The following UST variants were observed in gnomAD, a reference collection of about 807,000 sequenced individuals.
The protein encoded by UST is uronyl 2-sulfotransferase, also known as chondroitin sulfate 2-O-sulfotransferase.
Under a neutral mutation model 45.6 loss-of-function variants are expected in UST, and 21 were observed. That is an observed-to-expected ratio of 0.46 (90% CI 0.33 to 0.66). UST has a LOEUF of 0.66. UST is among the 30% of genes least tolerant of loss of function. UST has a pLI of 0.02. For missense variants in UST, 463 were observed against 512.4 expected (o/e 0.90, Z 0.93); for synonymous variants, 215 against 200.6 (o/e 1.07, Z -0.61).
At chr6:149,041,387 G>GA (rs1776311906) in intron 7 of UST, among the ~76,000 whole-genome samples, 1 of 152,242 alleles carries the variant, frequency 6.6e-6, no homozygotes, top group Non-Finnish European at 1.5e-5. Flanking sequence ...AAAGGCATGA[G>GA]ATAGGAGCAC....
intron 1 of UST, among the ~76,000 whole-genome samples, chr6:148,884,281 G>A (rs1205882854): frequency 2.0e-5 from 3 of 152,166 alleles, no homozygotes; most frequent in Non-Finnish European, 4.4e-5. Context: ...TGAATACTGA[G>A]TACCTGCTAT....
intron 5 of UST, among the ~76,000 whole-genome samples, chr6:148,967,985 C>G (rs1466085594): frequency 6.6e-6 from 1 of 152,124 alleles, no homozygotes; most frequent in Admixed American, 6.5e-5. Flanking sequence ...GCAGGAACCC[C>G]AAAGAGGATG....
chr6:148,877,576 G>A (rs1252777731), intron 1 of UST, among the ~76,000 whole-genome samples: 2 of 130,364 alleles, frequency 1.5e-5, no homozygotes, highest in Non-Finnish European at 3.2e-5. Context: ...TGCAGGGGTC[G>A]TGTATGAGTG....
intron 2 of UST, among the ~76,000 whole-genome samples, chr6:148,902,987 G>A (rs1157171922): frequency 1.3e-5 from 2 of 151,808 alleles, no homozygotes; most frequent in Non-Finnish European, 2.9e-5. Context: ...GTTATTATAG[G>A]TATTTTTATT....
chr6:149,060,624 G>A, intron 7 of UST, among the ~76,000 whole-genome samples: 1 of 152,212 alleles, frequency 6.6e-6, no homozygotes, highest in African/African-American at 2.4e-5. Context: ...GGTGGCAGGC[G>A]TTTGCCAACC....
chr6:148,828,674 C>G (rs1324768703), intron 1 of UST, among the ~76,000 whole-genome samples: 3 of 152,152 alleles, frequency 2.0e-5, no homozygotes, highest in Non-Finnish European at 4.4e-5. Flanking sequence ...ACATAAAACA[C>G]TTGGAGCAAA....
chr6:148,935,378 T>C (rs867926127), intron 2 of UST, among the ~76,000 whole-genome samples: 3 of 152,202 alleles, frequency 2.0e-5, no homozygotes, highest in Non-Finnish European at 4.4e-5. Flanking sequence ...GAGAGGGTGC[T>C]TGAGGAGTTT....
intron 1 of UST, among the ~76,000 whole-genome samples, chr6:148,867,483 A>G (rs892543888): frequency 1.3e-5 from 2 of 152,026 alleles, no homozygotes; most frequent in African/African-American, 4.8e-5. Flanking sequence ...TCATACTTTG[A>G]TATGGTTTGG....
At chr6:148,916,139 G>A (rs1265050575) in intron 2 of UST, among the ~76,000 whole-genome samples, 1 of 152,158 alleles carries the variant, frequency 6.6e-6, no homozygotes, top group African/African-American at 2.4e-5. Flanking sequence ...AGCTAAAATT[G>A]ATTGAGTACT....
At chr6:148,957,004 G>T (rs1044607352) in intron 4 of UST, among the ~76,000 whole-genome samples, 1 of 152,180 alleles carries the variant, frequency 6.6e-6, no homozygotes, top group Non-Finnish European at 1.5e-5. Context: ...AGTGAAGGGG[G>T]AGAGCATTCC....
intron 1 of UST, among the ~76,000 whole-genome samples, chr6:148,752,654 A>G (rs1294609946): frequency 6.6e-6 from 1 of 152,244 alleles, no homozygotes; most frequent in African/African-American, 2.4e-5. Flanking sequence ...CCCTGTCATC[A>G]ATCCAGGCTT....
At chr6:148,853,555 T>C (rs1261800616) in intron 1 of UST, among the ~76,000 whole-genome samples, 1 of 152,224 alleles carries the variant, frequency 6.6e-6, no homozygotes, top group Non-Finnish European at 1.5e-5. Context: ...CCACAATGGT[T>C]GAACTAATTT....
Position 149,019,225 on chromosome 6 carries a change from T to A in UST, c.768T>A (p.His256Gln), listed in dbSNP as rs1775946750. Residue 256 changes from histidine (H) to glutamine (Q), a missense_variant, in exon 6 of 8, where the codon CAT becomes CAA. By Grantham distance (24) the His-to-Gln change is conservative. This residue lies in a region of UST where 287 missense variants were observed against 374.2 expected (regional missense o/e 0.77). Coordinates refer to ENST00000367463, the MANE Select transcript of UST (RefSeq NM_005715.3). ...FYIIPYFCGQ[H>Q]PRCREPGEWA... ...TCATTCCGTACTTTTGTGGACAGCA[T>A]CCCAGATGCAGGTAAGGGCTAAAGC... 2 of 1,613,756 alleles carry A rather than the reference T, an allele frequency of 1.2e-6. No homozygotes were observed. Among genetic ancestry groups the A allele is most frequent in the Non-Finnish European group, 8.5e-7 (1 of 1,179,854 alleles).
At chr6:148,967,415 T>C (rs916653228) in intron 5 of UST, among the ~76,000 whole-genome samples, 7 of 152,208 alleles carry the variant, frequency 4.6e-5, no homozygotes, top group African/African-American at 1.7e-4. Flanking sequence ...GTTAGAAGGC[T>C]GTCTTCTTGT....
chr6:148,800,016 A>G (rs888072911), intron 1 of UST, among the ~76,000 whole-genome samples: 2 of 152,216 alleles, frequency 1.3e-5, no homozygotes, highest in African/African-American at 4.8e-5. Context: ...TAAAATTGCA[A>G]ACCCTAAGGT....
chr6:148,967,361 G>A (rs1035710459), intron 5 of UST, among the ~76,000 whole-genome samples: 1 of 152,032 alleles, frequency 6.6e-6, no homozygotes, highest in South Asian at 2.1e-4. Context: ...CTGGTGGTGG[G>A]GGGGAGGGGT....
chr6:149,055,119 GAAGCC>G (rs1159196424), intron 7 of UST, among the ~76,000 whole-genome samples: 1 of 152,044 alleles, frequency 6.6e-6, no homozygotes, highest in African/African-American at 2.4e-5. Context: ...TCATTTGGTA[GAAGCC>G]ATTTGAGAGT....
intron 1 of UST, among the ~76,000 whole-genome samples, chr6:148,766,868 G>C (rs569548436): frequency 2.0e-5 from 3 of 152,332 alleles, no homozygotes; most frequent in Admixed American, 2.0e-4. Flanking sequence ...TGTTTGTGCA[G>C]TAAATCCTCT....
chr6:148,848,625 C>A (rs948253895), intron 1 of UST, among the ~76,000 whole-genome samples: 1 of 149,780 alleles, frequency 6.7e-6, no homozygotes, highest in African/African-American at 2.5e-5. Flanking sequence ...GAGCCGAGAT[C>A]GCACCACTGC....
Sources: gnomAD v4.1 joint callset for allele counts (sites outside exome capture counted in the v4.1 genomes callset) on GRCh38, gnomAD v4.1.1 for gene constraint, gnomAD v4.1.1 regional missense constraint, MANE v1.5 for transcripts, NCBI Gene and HGNC (gene_info 2026-07-23, HGNC 2026-07-21) for gene names.